Variants in NCKAP5 observed in about 807,000 individuals in gnomAD.
NCKAP5 encodes the protein nck-associated protein 5.
Under a neutral mutation model 167.0 loss-of-function variants are expected in NCKAP5, and 92 were observed. The ratio of observed to expected loss-of-function variants is 0.55; its 90% CI spans 0.47 to 0.66. The LOEUF is 0.66. Ranked by LOEUF, NCKAP5 falls within the 30% of genes least tolerant of loss-of-function variation. The pLI is 0.00. For synonymous variants in NCKAP5, 891 were observed against 877.4 expected (o/e 1.02, Z -0.27); for missense variants, 2,378 against 2,315.0 (o/e 1.03, Z -0.56).
intron 2 of NCKAP5, among the ~76,000 whole-genome samples, chr2:133,532,619 TAAG>T (rs985202135): frequency 4.6e-5 from 7 of 152,264 alleles, no homozygotes; most frequent in Admixed American, 2.0e-4. Context: ...GTTCCTCCTA[TAAG>T]AAGGAGCTAC....
At chr2:133,044,436 A>G (rs2149465060) in intron 6 of NCKAP5, among the ~76,000 whole-genome samples, 1 of 152,310 alleles carries the variant, frequency 6.6e-6, no homozygotes, top group Non-Finnish European at 1.5e-5. Flanking sequence ...GGCACCTCAA[A>G]GAAGAGGTAC....
intron 3 of NCKAP5, among the ~76,000 whole-genome samples, chr2:133,462,776 A>G (rs1489150258): frequency 6.6e-6 from 1 of 152,214 alleles, no homozygotes; most frequent in Non-Finnish European, 1.5e-5. Flanking sequence ...TGCCAGTTGG[A>G]ATTGAGACTG....
At chr2:132,941,711 G>A (rs1196312296) in intron 8 of NCKAP5, among the ~76,000 whole-genome samples, 2 of 152,168 alleles carry the variant, frequency 1.3e-5, no homozygotes, top group African/African-American at 2.4e-5. Context: ...GACAAATTCC[G>A]TTATCTCCTT....
intron 4 of NCKAP5, among the ~76,000 whole-genome samples, chr2:133,228,439 T>C (rs1247457386): frequency 1.3e-5 from 2 of 152,212 alleles, no homozygotes; most frequent in South Asian, 4.1e-4. Context: ...CTACATCTTG[T>C]TTTCTTCATA....
At chr2:133,251,998 T>C (rs962400076) in intron 4 of NCKAP5, among the ~76,000 whole-genome samples, 6 of 152,144 alleles carry the variant, frequency 3.9e-5, no homozygotes, top group African/African-American at 1.4e-4. Flanking sequence ...CCCACTAAAA[T>C]TTTAATTTTT....
intron 15 of NCKAP5, among the ~76,000 whole-genome samples, chr2:132,779,627 G>A (rs772738968): frequency 4.6e-5 from 7 of 151,070 alleles, no homozygotes; most frequent in Non-Finnish European, 8.8e-5. Context: ...CTTTTGCAAC[G>A]AACATAATCT....
At chr2:133,250,822 T>C (rs905670716) in intron 4 of NCKAP5, among the ~76,000 whole-genome samples, 3 of 152,044 alleles carry the variant, frequency 2.0e-5, no homozygotes, top group African/African-American at 7.2e-5. Flanking sequence ...CTCAGCTACT[T>C]GGGAGGCTGA....
At chr2:133,240,929 C>T (rs1278659309) in intron 4 of NCKAP5, among the ~76,000 whole-genome samples, 1 of 152,208 alleles carries the variant, frequency 6.6e-6, no homozygotes, top group Non-Finnish European at 1.5e-5. Flanking sequence ...ACCCTCCTCC[C>T]TACATCTTTT....
rs1457865902 is a variant in NCKAP5, at chr2:133,550,725, A to G, written c.-62+8325T>C. 3.1e-5 allele frequency among the ~76,000 whole-genome samples: 4 copies of G among 130,308 alleles called. No individual in the cohort carries two copies. The East Asian group carries it at 6.6e-4, about 22-fold the overall frequency. 85.5% of individuals were successfully genotyped at this position (130,308 alleles called of 152,430 possible). On this transcript the variant is annotated intron_variant, in intron 2 of 19. Coordinates refer to ENST00000409261, the MANE Select transcript of NCKAP5 (RefSeq NM_207363.3). Reference sequence around the variant, plus strand: ...CCCTCTCTCACCACTCCTATTCAACATAGTGTTGGAAGTTCTGGCCAGGGC... The same window carrying G: ...CCCTCTCTCACCACTCCTATTCAACGTAGTGTTGGAAGTTCTGGCCAGGGC...
At chr2:133,067,832 G>A (rs2080249210) in intron 6 of NCKAP5, among the ~76,000 whole-genome samples, 1 of 152,174 alleles carries the variant, frequency 6.6e-6, no homozygotes. Flanking sequence ...GGAATTTATT[G>A]CAAGGGATGA....
At chr2:132,680,034 G>A (rs1684999755) in intron 19 of NCKAP5, among the ~76,000 whole-genome samples, 1 of 152,102 alleles carries the variant, frequency 6.6e-6, no homozygotes, top group Non-Finnish European at 1.5e-5. Flanking sequence ...CTTTCTAGAT[G>A]AGACATAAAA....
chr2:133,134,262 G>A (rs2149810880), intron 5 of NCKAP5, among the ~76,000 whole-genome samples: 1 of 152,254 alleles, frequency 6.6e-6, no homozygotes, highest in South Asian at 2.1e-4. Flanking sequence ...CATCCCTGTT[G>A]ATATCCACTT....
the NCKAP5 span, among the ~76,000 whole-genome samples, chr2:133,662,106 G>A: frequency 3.3e-5 from 5 of 152,086 alleles, no homozygotes; most frequent in African/African-American, 9.7e-5. Context: ...TCTGCCTCAC[G>A]AGATTGTGGT....
intron 11 of NCKAP5, among the ~76,000 whole-genome samples, chr2:132,835,855 G>A (rs1478109593): frequency 1.3e-5 from 2 of 151,852 alleles, no homozygotes; most frequent in Non-Finnish European, 2.9e-5. Context: ...TCTACCTTGG[G>A]GGCCTACCTT....
chr2:133,594,141 T>A, the NCKAP5 span, among the ~76,000 whole-genome samples: 3 of 152,218 alleles, frequency 2.0e-5, no homozygotes, highest in African/African-American at 7.2e-5. Context: ...CTTTGATGAG[T>A]CAATGAAAGT....
chr2:133,160,941 C>G (rs942838462), intron 5 of NCKAP5, among the ~76,000 whole-genome samples: 1 of 152,108 alleles, frequency 6.6e-6, no homozygotes, highest in Non-Finnish European at 1.5e-5. Context: ...GTGTCCCCAG[C>G]CCCCAAGCTG....
intron 3 of NCKAP5, among the ~76,000 whole-genome samples, chr2:133,333,490 T>C (rs887332631): frequency 2.0e-5 from 3 of 152,078 alleles, no homozygotes; most frequent in Non-Finnish European, 4.4e-5. Context: ...GCTCAACAAA[T>C]AGAGTGTGGA....
chr2:133,312,806 T>C (rs554747515), intron 3 of NCKAP5, among the ~76,000 whole-genome samples: 5 of 152,232 alleles, frequency 3.3e-5, no homozygotes, highest in African/African-American at 1.2e-4. Context: ...TAAATATTGG[T>C]CAATTCTTTT....
intron 2 of NCKAP5, among the ~76,000 whole-genome samples, chr2:133,530,354 C>G (rs779398241): frequency 5.9e-5 from 9 of 151,934 alleles, no homozygotes; most frequent in Non-Finnish European, 8.8e-5. Context: ...TCATATAGGC[C>G]AGACTTCCCA....
Sources: gnomAD v4.1 joint callset for allele counts (sites outside exome capture counted in the v4.1 genomes callset) on GRCh38, gnomAD v4.1.1 for gene constraint, MANE v1.5 for transcripts, NCBI Gene and HGNC (gene_info 2026-07-23, HGNC 2026-07-21) for gene names.